CTNNA2: variants seen among roughly 807,000 people sequenced by gnomAD.
CTNNA2 encodes catenin alpha 2, also known as catenin alpha-2.
Under a neutral mutation model 101.0 loss-of-function variants are expected in CTNNA2, and 42 were observed. The ratio of observed to expected loss-of-function variants is 0.42; its 90% CI spans 0.32 to 0.54. The LOEUF (loss-of-function observed/expected upper bound fraction) is 0.54. CTNNA2 is among the 20% of genes least tolerant of loss of function. The pLI is 0.14. For synonymous variants in CTNNA2, 450 were observed against 456.4 expected, an observed-to-expected ratio of 0.99 and a Z score of 0.18; for missense variants, 871 against 1,223.1, an observed-to-expected ratio of 0.71 and a Z score of 4.29.
At chr2:79,322,111 C>G (rs1676638534) in intron 3 of CTNNA2, among the ~76,000 whole-genome samples, 1 of 152,144 alleles carries the variant, frequency 6.6e-6, no homozygotes, top group African/African-American at 2.4e-5. Flanking sequence ...TGTAATAAAG[C>G]TGTTTTATAG....
At chr2:80,000,232 T>G (rs919013394) in intron 7 of CTNNA2, among the ~76,000 whole-genome samples, 6 of 152,190 alleles carry the variant, frequency 3.9e-5, no homozygotes, top group Non-Finnish European at 8.8e-5. Flanking sequence ...AAAGATGATT[T>G]CTGTGCTATC....
intron 4 of CTNNA2, among the ~76,000 whole-genome samples, chr2:79,388,042 G>A (rs1212789028): frequency 6.6e-6 from 1 of 152,124 alleles, no homozygotes; most frequent in Non-Finnish European, 1.5e-5. Flanking sequence ...TAAAGCTGTT[G>A]AAATAATTGT....
chr2:80,228,448 C>A (rs1709016681), intron 7 of CTNNA2, among the ~76,000 whole-genome samples: 3 of 152,138 alleles, frequency 2.0e-5, no homozygotes, highest in Admixed American at 1.3e-4. Flanking sequence ...CTTCCAAAAG[C>A]CTGACCTCCC....
rs142733601 is a variant in CTNNA2 at position 79,849,890 on chromosome 2, G to A, written c.299-8123G>A. On this transcript the variant is annotated intron_variant, in intron 3 of 18. Coordinates refer to ENST00000402739, the MANE Select transcript of CTNNA2 (RefSeq NM_001282597.3). ...TATGGTTCAAAATGTAAAGTGCCAG[G>A]CAGGCGTTCCTTTCCTCCTCTCGAC... Among the ~76,000 whole-genome samples, 12 of 152,276 alleles carry A rather than the reference G, an allele frequency of 7.9e-5. No individual in the cohort carries two copies. In the East Asian group the frequency reaches 2.1e-3, roughly 27 times the overall value.
At chr2:80,273,408 G>A (rs955000612) in intron 7 of CTNNA2, among the ~76,000 whole-genome samples, 23 of 152,178 alleles carry the variant, frequency 1.5e-4, no homozygotes, top group African/African-American at 4.6e-4. Context: ...CTGAAATATC[G>A]TAGTAGCCTC....
chr2:80,415,196 G>A (rs1245747122), intron 8 of CTNNA2, among the ~76,000 whole-genome samples: 3 of 152,130 alleles, frequency 2.0e-5, no homozygotes, highest in Admixed American at 6.5e-5. Flanking sequence ...ATGTATGCAA[G>A]GGCCTAATTT....
chr2:80,109,937 T>C (rs1262994907), intron 7 of CTNNA2, among the ~76,000 whole-genome samples: 1 of 152,230 alleles, frequency 6.6e-6, no homozygotes, highest in African/African-American at 2.4e-5. Context: ...TTAATCCTTT[T>C]TTAATCTGAA....
intron 6 of CTNNA2, among the ~76,000 whole-genome samples, chr2:79,889,152 A>T (rs1684116933): frequency 6.6e-6 from 1 of 152,318 alleles, no homozygotes; most frequent in South Asian, 2.1e-4. Flanking sequence ...TCTAAGATTT[A>T]GTTTGATTCA....
intron 7 of CTNNA2, among the ~76,000 whole-genome samples, chr2:80,213,469 G>A (rs1194870789): frequency 1.3e-5 from 2 of 152,126 alleles, no homozygotes; most frequent in African/African-American, 4.8e-5. Flanking sequence ...ATTTCATTAT[G>A]TACCCAGTAG....
At chr2:80,606,367 A>AC (rs1698002815) in intron 16 of CTNNA2, among the ~76,000 whole-genome samples, 2 of 137,424 alleles carry the variant, frequency 1.5e-5, no homozygotes, top group African/African-American at 5.5e-5. Context: ...AAACACATCA[A>AC]ACACACACAC....
intron 2 of CTNNA2, among the ~76,000 whole-genome samples, chr2:79,262,164 G>A (rs868057142): frequency 2.0e-5 from 3 of 151,904 alleles, no homozygotes; most frequent in Admixed American, 2.0e-4. Context: ...TTGAAGGTGG[G>A]GAAAAAATAC....
rs147519665 is a variant in CTNNA2, at chr2:79,437,853, C to T, written c.-135+63840C>T. On this transcript the variant is annotated intron_variant, in intron 4 of 21. Transcript: ENST00000466387. ...CGCTGCTCTTTGTTCCAGCGCTGAA[C>T]CACGCAAGCTCCATAAAATGAGGGG... Among the ~76,000 whole-genome samples, 30 of 152,280 alleles carry T rather than the reference C, an allele frequency of 2.0e-4. 2 individuals are homozygous for T. In the East Asian group the frequency reaches 5.4e-3, roughly 28 times the overall value.
chr2:79,620,154 A>T (rs2104280518), intron 1 of CTNNA2, among the ~76,000 whole-genome samples: 1 of 152,292 alleles, frequency 6.6e-6, no homozygotes, highest in East Asian at 1.9e-4. Context: ...AACATTCTTT[A>T]GTTGCTGCCC....
chr2:79,277,312 C>T (rs1306675742), intron 2 of CTNNA2, among the ~76,000 whole-genome samples: 2 of 152,056 alleles, frequency 1.3e-5, no homozygotes, highest in African/African-American at 4.8e-5. Flanking sequence ...TCTGGCTTGC[C>T]TCTGTGAATC....
chr2:80,559,245 T>A (rs1248885129), intron 12 of CTNNA2, among the ~76,000 whole-genome samples: 2 of 151,842 alleles, frequency 1.3e-5, no homozygotes, highest in African/African-American at 4.8e-5. Flanking sequence ...GGGAGTGGGG[T>A]TGGGAGTATA....
chr2:79,438,981 C>T (rs190001702), intron 4 of CTNNA2, among the ~76,000 whole-genome samples: 5 of 152,258 alleles, frequency 3.3e-5, no homozygotes, highest in Non-Finnish European at 5.9e-5. Context: ...GGATTGTTAA[C>T]TAGTACATCC....
At chr2:79,553,097 C>A (rs1482113303) in intron 1 of CTNNA2, among the ~76,000 whole-genome samples, 1 of 152,172 alleles carries the variant, frequency 6.6e-6, no homozygotes, top group Admixed American at 6.5e-5. Context: ...AATATGAGTT[C>A]CAGTTCCCAA....
intron 7 of CTNNA2, among the ~76,000 whole-genome samples, chr2:80,150,786 T>A (rs571602207): frequency 6.6e-6 from 1 of 152,340 alleles, no homozygotes; most frequent in Admixed American, 6.5e-5. Context: ...GTGTGGTTTC[T>A]GAAAATGGAT....
At chr2:79,359,371 G>A (rs935059111) in intron 3 of CTNNA2, among the ~76,000 whole-genome samples, 1 of 152,194 alleles carries the variant, frequency 6.6e-6, no homozygotes. Context: ...AACCAATCCT[G>A]TTAGAACTCA....
Sources: allele counts gnomAD v4.1 joint callset (sites outside exome capture counted in the v4.1 genomes callset), GRCh38; gene constraint gnomAD v4.1.1; transcripts MANE v1.5; gene names NCBI Gene and HGNC (gene_info 2026-07-23, HGNC 2026-07-21).